The following SLC25A16 variants were observed in gnomAD, a reference collection of about 807,000 sequenced individuals.
The protein encoded by SLC25A16 is mitochondrial coenzyme A transporter SLC25A16.
In SLC25A16, 39 loss-of-function variants were observed where a neutral mutation model predicts 41.5. The observed-to-expected ratio is 0.94, with a 90% CI of 0.73 to 1.23. SLC25A16 has a LOEUF of 1.23. SLC25A16 is among the 50% of genes most tolerant of loss of function. The probability of loss-of-function intolerance (pLI) is 0.00; values close to 1 mark genes in which losing one functional copy is unlikely to be tolerated. For missense variants in SLC25A16, 421 were observed against 426.9 expected (o/e 0.99, Z 0.12); for synonymous variants, 146 against 147.8 (o/e 0.99, Z 0.09).
At chr10:68,518,748 C>T (rs527570589) in intron 1 of SLC25A16, among the ~76,000 whole-genome samples, 125 of 147,678 alleles carry the variant, frequency 8.5e-4, no homozygotes, top group African/African-American at 3.0e-3. Flanking sequence ...CACTCCAGCC[C>T]GAGCAACAGA....
intron 1 of SLC25A16, among the ~76,000 whole-genome samples, chr10:68,523,130 C>T (rs554946330): frequency 4.3e-4 from 65 of 152,280 alleles, no homozygotes; most frequent in African/African-American, 1.5e-3. Flanking sequence ...GGCTCTGTTG[C>T]TCAGGCTTGA....
At chr10:68,514,323 C>T (rs1034795217) in intron 2 of SLC25A16, among the ~76,000 whole-genome samples, 8 of 151,976 alleles carry the variant, frequency 5.3e-5, no homozygotes, top group African/African-American at 1.2e-4. Context: ...GGTGAAACCC[C>T]GTATCTACTA....
chr10:68,510,995 T>C (rs1188779056), intron 2 of SLC25A16, among the ~76,000 whole-genome samples: 1 of 152,176 alleles, frequency 6.6e-6, no homozygotes, highest in Admixed American at 6.6e-5. Flanking sequence ...TCCCAGCACT[T>C]TGGGAGGCCA....
At chr10:68,525,962 C>A (rs541346524) in intron 1 of SLC25A16, among the ~76,000 whole-genome samples, 9 of 151,872 alleles carry the variant, frequency 5.9e-5, no homozygotes, top group African/African-American at 1.9e-4. Context: ...ACAAAAACTG[C>A]GGAAGGCCGC....
intron 8 of SLC25A16, among the ~76,000 whole-genome samples, chr10:68,485,770 A>G (rs1173322155): frequency 1.3e-5 from 2 of 149,610 alleles, no homozygotes; most frequent in Non-Finnish European, 3.0e-5. Context: ...GGTTCAAGCA[A>G]TTATCGTGCC....
At chr10:68,490,557 G>T (rs2052639578) in intron 6 of SLC25A16, among the ~76,000 whole-genome samples, 1 of 151,760 alleles carries the variant, frequency 6.6e-6, no homozygotes, top group African/African-American at 2.4e-5. Flanking sequence ...TGGTCAGGTT[G>T]GTCTCAAACT....
At position 68,483,242 on chromosome 10, in the gene SLC25A16, G is replaced by A. The variant is rs572182292; in HGVS notation, c.*190C>T. On this transcript the variant is annotated 3_prime_UTR_variant, in exon 9 of 9. Transcript: ENST00000609923. ...TTTCTTCAATGTTCTAAGGTATAAT[G>A]TTTGGCATCAAAAAGTATGGTAAGC... is the stretch of plus-strand genomic sequence containing the variant. 8.0e-6 allele frequency: 4 copies of A among 501,330 alleles called. No homozygotes were observed. The highest frequency in any genetic ancestry group is 6.9e-5 in the South Asian group (2 of 29,138). 31.1% of individuals were successfully genotyped at this position (501,330 alleles called of 1,614,324 possible).
At chr10:68,504,687 GTTT>G (rs1314217243) in intron 3 of SLC25A16, among the ~76,000 whole-genome samples, 33 of 150,258 alleles carry the variant, frequency 2.2e-4, no homozygotes, top group African/African-American at 7.1e-4. Flanking sequence ...CTTGTTTTTT[GTTT>G]TTTGTTTTGA....
rs114177925 is a variant in SLC25A16, at chr10:68,491,549, G to T, written c.610+1583C>A. On this transcript the variant is annotated intron_variant, in intron 6 of 8. Coordinates refer to ENST00000609923, the MANE Select transcript of SLC25A16 (RefSeq NM_152707.4). ...CTTGTTGTTGCTTTTTTGTTTGTTT[G>T]ATTTTTAGAGACAAGGTCTCACTCT... Among the ~76,000 whole-genome samples, 561 of 151,868 alleles carry T rather than the reference G, an allele frequency of 3.7e-3. 7 individuals carry two copies. The highest frequency in any genetic ancestry group is 0.013 in the African/African-American group (540 of 41,434).
chr10:68,487,359 G>A, intron 7 of SLC25A16, 147 bp from the exon 8 acceptor site: 3 of 598,292 alleles, frequency 5.0e-6, no homozygotes, highest in South Asian at 3.8e-5. Context: ...ATAGGCATAT[G>A]AATAAAATCA....
intron 5 of SLC25A16, 122 bp downstream of exon 5, chr10:68,493,327 C>T (rs188113015): frequency 1.2e-5 from 13 of 1,129,490 alleles, no homozygotes; most frequent in Admixed American, 6.4e-5. Context: ...GATGTGTTTT[C>T]GTAATTATTG....
intron 4 of SLC25A16, chr10:68,496,523 G>A: frequency 1.0e-6 from 1 of 984,514 alleles, no homozygotes; most frequent in South Asian, 4.7e-5. Context: ...CTACCAGGAA[G>A]CAATGAGACT....
At chr10:68,506,774 T>A in intron 2 of SLC25A16, 56 bp from the exon 3 acceptor site, 1 of 1,148,004 alleles carries the variant, frequency 8.7e-7, no homozygotes, top group Admixed American at 2.9e-5. Flanking sequence ...AACCTAAATT[T>A]TCATGACAAT....
At position 68,481,932 on chromosome 10, in the gene SLC25A16, G is replaced by A. The variant is rs1372449182; in HGVS notation, c.*1500C>T. 6.6e-6 allele frequency: 1 copy of A among 152,248 alleles called. No individual in the cohort carries two copies. The highest frequency in any genetic ancestry group is 2.4e-5 in the African/African-American group (1 of 41,456). 9.4% of individuals were successfully genotyped at this position (152,248 alleles called of 1,614,324 possible). A position where few individuals can be genotyped will look rare whatever the true frequency, so the allele number is the denominator to read the frequency against. ...TAATGTCTTTAAAGTCACATCAAAG[G>A]GCCGGGCGCCGTGGCTCACGCCAGT... On this transcript the variant is annotated 3_prime_UTR_variant, in exon 9 of 9. Transcript: ENST00000609923.
At chr10:68,486,500 A>G (rs1285764108) in intron 8 of SLC25A16, among the ~76,000 whole-genome samples, 1 of 151,412 alleles carries the variant, frequency 6.6e-6, no homozygotes, top group Non-Finnish European at 1.5e-5. Flanking sequence ...CCACCTCCCT[A>G]GTAGATGGGA....
chr10:68,487,514 G>C (rs376985438), intron 7 of SLC25A16, among the ~76,000 whole-genome samples: 1 of 152,098 alleles, frequency 6.6e-6, no homozygotes, highest in East Asian at 1.9e-4. Context: ...GCTTTTCATT[G>C]TTGAACACTA....
chr10:68,499,606 T>C (rs1166955110), intron 4 of SLC25A16: 2 of 320,364 alleles, frequency 6.2e-6, no homozygotes, highest in African/African-American at 2.2e-5. Flanking sequence ...TATCCAACAT[T>C]AGCAGGAAGA....
chr10:68,507,409 A>G (rs1446721972), intron 2 of SLC25A16, among the ~76,000 whole-genome samples: 2 of 152,032 alleles, frequency 1.3e-5, no homozygotes, highest in Non-Finnish European at 2.9e-5. Context: ...GGATGAAGGA[A>G]GGTTTCAGAG....
chr10:68,503,103 A>G (rs1245504121), intron 4 of SLC25A16: 1 of 152,260 alleles, frequency 6.6e-6, no homozygotes, highest in Non-Finnish European at 1.5e-5. Flanking sequence ...TTTAGTCATT[A>G]TAATTCGTTA....
Sources: allele counts gnomAD v4.1 joint callset (sites outside exome capture counted in the v4.1 genomes callset), GRCh38; gene constraint gnomAD v4.1.1; transcripts MANE v1.5; gene names NCBI Gene and HGNC (gene_info 2026-07-23, HGNC 2026-07-21).